Variants in SLC8A1 observed in about 807,000 individuals in gnomAD.
The protein encoded by SLC8A1 is sodium/calcium exchanger 1.
A neutral mutation model predicts 68.3 loss-of-function variants in SLC8A1; 18 were observed. That is an observed-to-expected ratio of 0.26 (90% CI 0.18 to 0.39). The LOEUF (loss-of-function observed/expected upper bound fraction) is 0.39, where lower values mean the gene tolerates loss of function less well. Among genes scored for constraint, SLC8A1 ranks in the 10% least tolerant of loss-of-function variants. The pLI is 1.00. For missense variants in SLC8A1, 985 were observed against 1,156.7 expected, an observed-to-expected ratio of 0.85 and a Z score of 2.15; for synonymous variants, 475 against 415.5, an observed-to-expected ratio of 1.14 and a Z score of -1.74.
intron 1 of SLC8A1, among the ~76,000 whole-genome samples, chr2:40,433,013 G>C (rs1294449465): frequency 6.6e-6 from 1 of 152,104 alleles, no homozygotes; most frequent in Non-Finnish European, 1.5e-5. Flanking sequence ...TAGTAGTACT[G>C]AACATAAACA....
exon 8 of SLC8A1, chr2:40,098,489 G>A (rs953525141): frequency 6.6e-6 from 1 of 151,978 alleles, no homozygotes; most frequent in Non-Finnish European, 1.5e-5. Flanking sequence ...AGGTAGGTGG[G>A]AAAATTATAT....
intron 1 of SLC8A1, among the ~76,000 whole-genome samples, chr2:40,442,889 T>C (rs1022309394): frequency 6.6e-6 from 1 of 152,010 alleles, no homozygotes; most frequent in African/African-American, 2.4e-5. Context: ...ATAAAGAAAA[T>C]TTGGTACATA....
intron 2 of SLC8A1, among the ~76,000 whole-genome samples, chr2:40,248,255 A>T (rs1574666393): frequency 6.6e-6 from 1 of 151,936 alleles, no homozygotes; most frequent in East Asian, 1.9e-4. Context: ...AAGTTTCCCT[A>T]TTGCTAATGG....
rs185139876 is a variant in SLC8A1 at position 40,311,289 on chromosome 2, C to T, written c.1808+117184G>A. On this transcript the variant is annotated intron_variant, in intron 2 of 7. Coordinates refer to ENST00000406785, the Ensembl canonical transcript of SLC8A1. ...GGTCAAAAGGAATGACTCCAAAACC[C>T]TTCATCATTTAACATTCAAAGCTGT... 5.2e-3 allele frequency among the ~76,000 whole-genome samples: 784 copies of T among 152,082 alleles called. 6 individuals carry two copies. The highest frequency in any genetic ancestry group is 0.018 in the African/African-American group (736 of 41,506).
intron 4 of SLC8A1, among the ~76,000 whole-genome samples, chr2:40,172,057 C>T (rs750499461): frequency 2.0e-5 from 3 of 152,342 alleles, no homozygotes; most frequent in Non-Finnish European, 4.4e-5. Context: ...AAGCTGCAGG[C>T]AAAGTCCCAG....
At chr2:40,373,314 T>C (rs943570613) in intron 2 of SLC8A1, among the ~76,000 whole-genome samples, 1 of 152,144 alleles carries the variant, frequency 6.6e-6, no homozygotes, top group African/African-American at 2.4e-5. Flanking sequence ...CCACAGGTCC[T>C]CTGCCAGGGT....
intron 1 of SLC8A1, among the ~76,000 whole-genome samples, chr2:40,478,226 G>A (rs993520878): frequency 9.5e-6 from 1 of 104,724 alleles, no homozygotes; most frequent in Non-Finnish European, 2.0e-5. Flanking sequence ...ACACCCACCC[G>A]CCCTCACACA....
At chr2:40,289,431 C>T (rs2068892157) in intron 2 of SLC8A1, among the ~76,000 whole-genome samples, 1 of 152,068 alleles carries the variant, frequency 6.6e-6, no homozygotes, top group Non-Finnish European at 1.5e-5. Context: ...ACTTTCTTGC[C>T]AGATTGCTTT....
intron 1 of SLC8A1, among the ~76,000 whole-genome samples, chr2:40,444,644 A>T (rs1359584290): frequency 1.3e-5 from 2 of 152,210 alleles, no homozygotes; most frequent in African/African-American, 2.4e-5. Flanking sequence ...CTGTTCTCGT[A>T]AGGCGCACAA....
At chr2:40,397,443 G>A (rs1687345584) in intron 2 of SLC8A1, among the ~76,000 whole-genome samples, 1 of 152,180 alleles carries the variant, frequency 6.6e-6, no homozygotes, top group Non-Finnish European at 1.5e-5. Flanking sequence ...GTGAGGACTA[G>A]GGAAGAGGAA....
chr2:40,254,494 C>G (rs2063556668), intron 2 of SLC8A1: 1 of 115,074 alleles, frequency 8.7e-6, no homozygotes, highest in Admixed American at 7.7e-5. Context: ...CTCTCTTGAA[C>G]TCTTGAAAAT....
chr2:40,213,534 C>A (rs2056968541), intron 2 of SLC8A1: 1 of 152,168 alleles, frequency 6.6e-6, no homozygotes, highest in African/African-American at 2.4e-5. Context: ...GAAAGGGGCA[C>A]CAGCAGTAGC....
At chr2:40,403,744 G>A (rs886953627) in intron 2 of SLC8A1, among the ~76,000 whole-genome samples, 3 of 152,044 alleles carry the variant, frequency 2.0e-5, no homozygotes, top group Non-Finnish European at 1.5e-5. Flanking sequence ...AGATTCATAA[G>A]GTACAGAACC....
chr2:40,265,178 T>A (rs568326376), intron 2 of SLC8A1, among the ~76,000 whole-genome samples: 1 of 152,320 alleles, frequency 6.6e-6, no homozygotes, highest in South Asian at 2.1e-4. Flanking sequence ...GAGTAGACGA[T>A]GGGCATGCAG....
At chr2:40,465,114 G>C (rs535062844) in intron 1 of SLC8A1, among the ~76,000 whole-genome samples, 1 of 152,040 alleles carries the variant, frequency 6.6e-6, no homozygotes, top group Non-Finnish European at 1.5e-5. Flanking sequence ...ACTCCCTCGG[G>C]GGCAATTTTA....
chr2:40,277,946 C>A (rs562813733), intron 2 of SLC8A1, among the ~76,000 whole-genome samples: 1 of 151,424 alleles, frequency 6.6e-6, no homozygotes, highest in South Asian at 2.1e-4. Context: ...ATGTTGTTAT[C>A]CCCATTTTAC....
At chr2:40,102,577 C>G (rs2125029057) in exon 8 of SLC8A1, 1 of 152,146 alleles carries the variant, frequency 6.6e-6, no homozygotes, top group East Asian at 1.9e-4. Context: ...GGGATTGGTG[C>G]AAGAAGTTGA....
chr2:40,446,247 G>A (rs930569861), intron 1 of SLC8A1, among the ~76,000 whole-genome samples: 3 of 152,142 alleles, frequency 2.0e-5, no homozygotes, highest in African/African-American at 7.2e-5. Flanking sequence ...CTCCTCCAAG[G>A]CCATGCTGGA....
Position 40,217,699 on chromosome 2 carries a change from T to C in SLC8A1, c.1809-39844A>G, listed in dbSNP as rs374268156. On this transcript the variant is annotated intron_variant, in intron 2 of 7. Transcript: ENST00000406785. ...AACCATATTCAATAGAATAAGAAGG[T>C]GAGGCTTTGCTAAAATTATCCCATC... Among the ~76,000 whole-genome samples, 14 of 152,214 alleles carry C rather than the reference T, an allele frequency of 9.2e-5. No homozygotes were observed. In the East Asian group the frequency reaches 2.7e-3, roughly 29 times the overall value.
Sources: gnomAD v4.1 joint callset for allele counts (sites outside exome capture counted in the v4.1 genomes callset) on GRCh38, gnomAD v4.1.1 for gene constraint, MANE v1.5 for transcripts, NCBI Gene and HGNC (gene_info 2026-07-23, HGNC 2026-07-21) for gene names.